Variants in PAPPA observed in about 807,000 individuals in gnomAD.
PAPPA encodes pappalysin 1, also known as pappalysin-1.
PAPPA carries 60 observed loss-of-function variants against 164.0 expected under a neutral mutation model. The observed-to-expected ratio is 0.37, with a 90% CI of 0.30 to 0.45. PAPPA has a LOEUF of 0.45. PAPPA is among the 20% of genes least tolerant of loss of function. PAPPA has a pLI of 1.00. For synonymous variants in PAPPA, 875 were observed against 814.1 expected, an observed-to-expected ratio of 1.07 and a Z score of -1.27; for missense variants, 1,782 against 2,087.3, an observed-to-expected ratio of 0.85 and a Z score of 2.85.
In PAPPA at chr9:116,244,147, A is replaced by G. The variant is rs374722064; in HGVS notation, c.2732+8510A>G. Among the ~76,000 whole-genome samples the G allele has an allele frequency of 3.2e-4, 49 of 152,212 alleles. 1 individual carries two copies. The East Asian group carries it at 7.0e-3, about 22-fold the overall frequency. ...TAAGCAAAAGGGCTTAACAAAATCA[A>G]CTGATCTCCAGGGTCATTAACAGCC... On this transcript the variant is annotated intron_variant, in intron 7 of 21. Coordinates refer to ENST00000328252, the MANE Select transcript of PAPPA (RefSeq NM_002581.5).
chr9:116,253,957 T>G (rs1328291209), intron 7 of PAPPA, among the ~76,000 whole-genome samples: 1 of 152,232 alleles, frequency 6.6e-6, no homozygotes, highest in Non-Finnish European at 1.5e-5. Context: ...TTATCTATAC[T>G]GCTACCTAAA....
intron 6 of PAPPA, among the ~76,000 whole-genome samples, chr9:116,228,129 T>C (rs1049812833): frequency 6.6e-6 from 1 of 152,190 alleles, no homozygotes; most frequent in African/African-American, 2.4e-5. Context: ...CTGCTCAGGG[T>C]TGTCTCTCAG....
intron 13 of PAPPA, among the ~76,000 whole-genome samples, chr9:116,335,448 G>A (rs557373266): frequency 6.6e-6 from 1 of 152,188 alleles, no homozygotes; most frequent in Non-Finnish European, 1.5e-5. Context: ...TGCTTCCCGT[G>A]GCACAAGCAG....
chr9:116,397,784 C>T lies in PAPPA; in HGVS notation c.*1168C>T, dbSNP rs1022391916. ...AAATTTCTATGATGTTGGAGCCATC[C>T]AGAGACTACTGGAATTGTCGAGACT... On this transcript the variant is annotated 3_prime_UTR_variant, in exon 22 of 22. Coordinates refer to ENST00000328252, the MANE Select transcript of PAPPA (RefSeq NM_002581.5). The T allele has an allele frequency of 7.2e-5, 11 of 152,638 alleles. No individual in the cohort carries two copies. Among genetic ancestry groups the T allele is most frequent in the African/African-American group, 2.2e-4 (9 of 41,452 alleles). 9.5% of individuals were successfully genotyped at this position (152,638 alleles called of 1,614,324 possible).
At chr9:116,253,774 A>G (rs1844889521) in intron 7 of PAPPA, among the ~76,000 whole-genome samples, 1 of 152,232 alleles carries the variant, frequency 6.6e-6, no homozygotes, top group Admixed American at 6.5e-5. Flanking sequence ...CTCCAACGCC[A>G]TTCAGTAAAG....
At chr9:116,164,861 G>C (rs1843703532) in intron 1 of PAPPA, among the ~76,000 whole-genome samples, 1 of 152,196 alleles carries the variant, frequency 6.6e-6, no homozygotes, top group Non-Finnish European at 1.5e-5. Flanking sequence ...ATAAAACATT[G>C]ATAAATGTGA....
chr9:116,242,921 C>G (rs2118762073), intron 7 of PAPPA, among the ~76,000 whole-genome samples: 1 of 152,244 alleles, frequency 6.6e-6, no homozygotes, highest in East Asian at 1.9e-4. Context: ...GTTATGTGCT[C>G]TTAAGTAAGC....
intron 1 of PAPPA, among the ~76,000 whole-genome samples, chr9:116,186,263 TATATA>T (rs1843969308): frequency 1.3e-5 from 2 of 148,954 alleles, no homozygotes; most frequent in East Asian, 3.9e-4. Context: ...TCTATATAGA[TATATA>T]GATATAGATA....
intron 6 of PAPPA, among the ~76,000 whole-genome samples, chr9:116,234,142 T>C (rs1389556399): frequency 1.3e-5 from 2 of 152,180 alleles, no homozygotes; most frequent in African/African-American, 4.8e-5. Flanking sequence ...AGCCAATCAC[T>C]ACATTGAGTC....
chr9:116,309,862 A>G (rs1845693604), intron 10 of PAPPA, among the ~76,000 whole-genome samples: 1 of 152,144 alleles, frequency 6.6e-6, no homozygotes, highest in Non-Finnish European at 1.5e-5. Context: ...AAGAACATTG[A>G]CAAGTGTTGA....
chr9:116,347,075 A>G lies in PAPPA; in HGVS notation c.3830A>G (p.Gln1277Arg). The G allele has an allele frequency of 6.2e-7, 1 of 1,614,174 alleles. No individual in the cohort carries two copies. Among genetic ancestry groups the G allele is most frequent in the Non-Finnish European group, 8.5e-7 (1 of 1,180,004 alleles). ...VTCTEGKWNK[Q>R]VACEPVDCSI... Reference sequence around the variant, plus strand: ...TGTACAGAGGGCAAGTGGAATAAGCAGGTGGCCTGTGAGCCAGTCGACTGC... The same window carrying G: ...TGTACAGAGGGCAAGTGGAATAAGCGGGTGGCCTGTGAGCCAGTCGACTGC... The change falls in exon 15 of 22, where the codon CAG (glutamine) becomes CGG (arginine). Residue 1277 changes from glutamine to arginine, a missense_variant. Physicochemically the swap from Gln to Arg is conservative, Grantham distance 43. Around this residue, in one of 2 missense-constraint regions of PAPPA, gnomAD observed 1,324 missense variants for 1,656.9 expected, o/e 0.80. Transcript: ENST00000328252. The surrounding 1 kb of genome is among the most constrained non-coding windows in gnomAD (Gnocchi z 4.5).
At chr9:116,299,899 A>G in intron 9 of PAPPA, among the ~76,000 whole-genome samples, 2 of 148,894 alleles carry the variant, frequency 1.3e-5, no homozygotes, top group Admixed American at 6.7e-5. Context: ...TTTTCAGATG[A>G]GGAAAATGAA....
chr9:116,232,805 A>T (rs534272192), intron 6 of PAPPA, among the ~76,000 whole-genome samples: 2 of 152,314 alleles, frequency 1.3e-5, no homozygotes. Flanking sequence ...CTTTGCTAAG[A>T]TTTCTACTCC....
At chr9:116,325,799 A>C (rs2118936737) in intron 10 of PAPPA, among the ~76,000 whole-genome samples, 1 of 152,354 alleles carries the variant, frequency 6.6e-6, no homozygotes, top group African/African-American at 2.4e-5. Context: ...ACAGCAAAAA[A>C]TAGGATCAAT....
At chr9:116,333,393 T>A (rs1846019002) in intron 12 of PAPPA, among the ~76,000 whole-genome samples, 1 of 152,152 alleles carries the variant, frequency 6.6e-6, no homozygotes, top group Admixed American at 6.5e-5. Context: ...CTATGACACC[T>A]TCACACTTCC....
At chr9:116,350,815 A>G (rs1457526688) in intron 15 of PAPPA, among the ~76,000 whole-genome samples, 2 of 152,194 alleles carry the variant, frequency 1.3e-5, no homozygotes, top group Non-Finnish European at 2.9e-5. Flanking sequence ...GGACGCTTCT[A>G]TGCTTCTATG....
At chr9:116,176,706 A>C (rs1843839075) in intron 1 of PAPPA, among the ~76,000 whole-genome samples, 1 of 152,224 alleles carries the variant, frequency 6.6e-6, no homozygotes, top group Non-Finnish European at 1.5e-5. Context: ...TCATTCAATT[A>C]GAGTCTGTTG....
Position 116,218,357 on chromosome 9 carries a change from T to C in PAPPA, c.1919-1580T>C, listed in dbSNP as rs60835880. Among the ~76,000 whole-genome samples, 576 of 152,310 alleles carry C rather than the reference T, an allele frequency of 3.8e-3. 5 individuals are homozygous for C. The highest frequency in any genetic ancestry group is 0.012 in the African/African-American group (510 of 41,568). On this transcript the variant is annotated intron_variant, in intron 4 of 21. Coordinates refer to ENST00000328252, the MANE Select transcript of PAPPA (RefSeq NM_002581.5). ...TGTTTGTTTGATAAGAAGAAACCAG[T>C]ATATGCTGCAGGATTCCCAGTAGCA...
At chr9:116,272,278 G>T (rs1845146215) in intron 9 of PAPPA, among the ~76,000 whole-genome samples, 1 of 152,210 alleles carries the variant, frequency 6.6e-6, no homozygotes, top group Non-Finnish European at 1.5e-5. Flanking sequence ...TGGGCTGGAG[G>T]TGAAAACTAA....
Sources: allele counts gnomAD v4.1 joint callset (sites outside exome capture counted in the v4.1 genomes callset), GRCh38; gene constraint gnomAD v4.1.1; regional missense constraint gnomAD v4.1.1; non-coding constraint Gnocchi (gnomAD v3.1); transcripts MANE v1.5; gene names NCBI Gene and HGNC (gene_info 2026-07-23, HGNC 2026-07-21).